Variants in TBC1D22A observed in about 807,000 individuals in gnomAD.
TBC1D22A encodes the protein putative GTPase activator.
A neutral mutation model predicts 60.2 loss-of-function variants in TBC1D22A; 38 were observed. The ratio of observed to expected loss-of-function variants is 0.63; its 90% confidence interval spans 0.49 to 0.83. TBC1D22A has a LOEUF of 0.83. Ranked by LOEUF, TBC1D22A falls within the 40% of genes least tolerant of loss-of-function variation. TBC1D22A has a pLI of 0.00. For missense variants in TBC1D22A, 628 were observed against 701.0 expected (o/e 0.90, Z 1.18); for synonymous variants, 302 against 281.7 (o/e 1.07, Z -0.72).
intron 8 of TBC1D22A, among the ~76,000 whole-genome samples, chr22:46,927,431 T>C (rs1260949407): frequency 1.3e-5 from 2 of 152,150 alleles, no homozygotes; most frequent in Non-Finnish European, 2.9e-5. Context: ...TTCAACAAAC[T>C]AGGAATAGAA....
intron 4 of TBC1D22A, among the ~76,000 whole-genome samples, chr22:46,868,291 C>G (rs1407010382): frequency 6.6e-6 from 1 of 152,128 alleles, no homozygotes; most frequent in Non-Finnish European, 1.5e-5. Flanking sequence ...GACACCTTGG[C>G]TTTTGGGTGG....
intron 4 of TBC1D22A, among the ~76,000 whole-genome samples, chr22:46,867,180 T>G (rs543152707): frequency 1.3e-5 from 2 of 152,350 alleles, no homozygotes; most frequent in South Asian, 4.1e-4. Flanking sequence ...AACACTTTCT[T>G]GGGCAGCACG....
intron 5 of TBC1D22A, among the ~76,000 whole-genome samples, chr22:46,885,409 G>A (rs1569173700): frequency 2.0e-5 from 3 of 152,312 alleles, no homozygotes; most frequent in Admixed American, 1.3e-4. Context: ...GACAGTGACG[G>A]CCTTCTGTGA....
chr22:46,792,875 A>T, intron 2 of TBC1D22A: 1 of 1,433,156 alleles, frequency 7.0e-7, no homozygotes, highest in East Asian at 2.5e-5. Flanking sequence ...CAGGCCATCC[A>T]TGCTGGCTTG....
rs1414374199 is a variant in TBC1D22A, at chr22:46,952,004, AC to A, written c.1016-22285del. On this transcript the variant is annotated intron_variant, in intron 8 of 12. Coordinates refer to ENST00000337137, the MANE Select transcript of TBC1D22A (RefSeq NM_014346.5). ...GAAGTCACAGAGCAGGCTGTTTGTT[AC>A]GAGTTTTGTAAATAAGATGTATCCT... Among the ~76,000 whole-genome samples the A allele has an allele frequency of 2.6e-5, 4 of 152,306 alleles. No homozygotes were observed. The East Asian group carries it at 7.7e-4, about 29-fold the overall frequency.
chr22:47,038,116 C>T (rs1274735576), intron 11 of TBC1D22A, among the ~76,000 whole-genome samples: 4 of 152,118 alleles, frequency 2.6e-5, no homozygotes, highest in East Asian at 1.9e-4. Flanking sequence ...GGGGGGTTTA[C>T]GCGCCAGCCT....
chr22:46,944,574 A>G (rs192705627), intron 8 of TBC1D22A, among the ~76,000 whole-genome samples: 1 of 152,040 alleles, frequency 6.6e-6, no homozygotes, highest in Non-Finnish European at 1.5e-5. Flanking sequence ...AATTTCTTGT[A>G]TTTTTAGTAG....
intron 11 of TBC1D22A, among the ~76,000 whole-genome samples, chr22:47,048,245 G>A (rs538193304): frequency 2.0e-5 from 3 of 152,212 alleles, no homozygotes; most frequent in South Asian, 2.1e-4. Context: ...TTCACAGTGC[G>A]GTAAGGCTCC....
rs1023904935 is a variant in TBC1D22A, at chr22:47,039,934, C to G, written c.1329+2736C>G. Among the ~76,000 whole-genome samples, 10 of 86,890 alleles carry G rather than the reference C, an allele frequency of 1.2e-4. No individual in the cohort carries two copies. The Admixed American group carries it at 1.2e-3, about 10-fold the overall frequency. 57.0% of individuals were successfully genotyped at this position (86,890 alleles called of 152,430 possible). A position where few individuals can be genotyped will look rare whatever the true frequency, so the allele number is the denominator to read the frequency against. ...GCAAGGCGTCGGGGAGGTGCCACAG[C>G]CTTTTTTTTTTTTTTTTTTTTTTTT... On this transcript the variant is annotated intron_variant, in intron 11 of 12. Coordinates refer to ENST00000337137, the MANE Select transcript of TBC1D22A (RefSeq NM_014346.5).
At chr22:47,055,773 G>C (rs1256669008) in intron 11 of TBC1D22A, among the ~76,000 whole-genome samples, 8 of 152,062 alleles carry the variant, frequency 5.3e-5, no homozygotes, top group African/African-American at 1.9e-4. Context: ...TCTGTCTGCT[G>C]CTGGGAGCTG....
At chr22:46,824,604 C>T (rs568841743) in intron 4 of TBC1D22A, among the ~76,000 whole-genome samples, 3 of 152,116 alleles carry the variant, frequency 2.0e-5, no homozygotes, top group Non-Finnish European at 4.4e-5. Context: ...TGGCGCGATT[C>T]GACTTAGGCT....
intron 12 of TBC1D22A, among the ~76,000 whole-genome samples, chr22:47,121,851 A>G (rs2066281577): frequency 6.6e-6 from 1 of 152,290 alleles, no homozygotes; most frequent in Non-Finnish European, 1.5e-5. Flanking sequence ...GCTGGAGCTC[A>G]GAATGCTGGG....
At chr22:46,963,170 A>G (rs1216680351) in intron 8 of TBC1D22A, among the ~76,000 whole-genome samples, 2 of 151,060 alleles carry the variant, frequency 1.3e-5, no homozygotes, top group Non-Finnish European at 3.0e-5. Flanking sequence ...GCAGTGAGCC[A>G]AGAAGGAGCG....
chr22:47,024,195 G>A (rs919940326), intron 10 of TBC1D22A, among the ~76,000 whole-genome samples: 2 of 152,156 alleles, frequency 1.3e-5, no homozygotes, highest in African/African-American at 4.8e-5. Context: ...TACAGTCACC[G>A]CTAACATAAC....
At chr22:46,825,817 A>G (rs369148606) in intron 4 of TBC1D22A, among the ~76,000 whole-genome samples, 3 of 151,872 alleles carry the variant, frequency 2.0e-5, no homozygotes, top group East Asian at 3.9e-4. Context: ...CACATATTGC[A>G]TATGTAATAT....
At position 46,777,825 on chromosome 22, in the gene TBC1D22A, C is replaced by G. The variant is rs801622; in HGVS notation, c.63-14695C>G. ...CATCACTTAGCGACGGGGACGCCTTCTGAGACATGTGTCCTTAGGTGATTT... is the reference window on the plus strand; with the variant it reads ...CATCACTTAGCGACGGGGACGCCTTGTGAGACATGTGTCCTTAGGTGATTT... On this transcript the variant is annotated intron_variant, in intron 1 of 12. Transcript: ENST00000337137. This position sits in a 1 kb window ranked among gnomAD's most constrained non-coding sequence, Gnocchi z 4.5. Among the ~76,000 whole-genome samples the G allele has an allele frequency of 0.15, 22,387 of 152,198 alleles. 2,168 individuals carry two copies. Among genetic ancestry groups the G allele is most frequent in the African/African-American group, 0.27 (11,115 of 41,484 alleles).
At chr22:46,773,148 C>T (rs1315879416) in intron 1 of TBC1D22A, among the ~76,000 whole-genome samples, 3 of 152,190 alleles carry the variant, frequency 2.0e-5, no homozygotes, top group Non-Finnish European at 4.4e-5. Context: ...TCTGCCCCTC[C>T]TCAGCTCAGC....
intron 10 of TBC1D22A, among the ~76,000 whole-genome samples, chr22:47,010,430 A>G (rs375132877): frequency 2.6e-4 from 39 of 152,190 alleles, no homozygotes; most frequent in African/African-American, 8.7e-4. Flanking sequence ...GGACATGACA[A>G]TTGGCAAGGC....
rs189636274 is a variant in TBC1D22A at position 46,902,947 on chromosome 22, G to A, written c.900+8101G>A. On this transcript the variant is annotated intron_variant, in intron 7 of 12. Coordinates refer to ENST00000337137, the MANE Select transcript of TBC1D22A (RefSeq NM_014346.5). Reference sequence around the variant, plus strand: ...TTTGTATCCTGCCGACTGCATTCCAGGGTGGCTGAAAGAATTGGAGAAGAC... The same window carrying A: ...TTTGTATCCTGCCGACTGCATTCCAAGGTGGCTGAAAGAATTGGAGAAGAC... Among the ~76,000 whole-genome samples, 335 of 151,194 alleles carry A rather than the reference G, an allele frequency of 2.2e-3. 6 individuals are homozygous for A. The highest frequency in any genetic ancestry group is 1.1e-3 in the Non-Finnish European group (76 of 68,028).
Sources: gnomAD v4.1 joint callset for allele counts (sites outside exome capture counted in the v4.1 genomes callset) on GRCh38, gnomAD v4.1.1 for gene constraint, Gnocchi (gnomAD v3.1) non-coding constraint, MANE v1.5 for transcripts, NCBI Gene and HGNC (gene_info 2026-07-23, HGNC 2026-07-21) for gene names.